Variants in CUX1 observed in about 807,000 individuals in gnomAD.
CUX1 encodes protein CASP.
Under a neutral mutation model 158.8 loss-of-function variants are expected in CUX1, and 31 were observed. The observed-to-expected ratio is 0.20, with a 90% CI of 0.15 to 0.26. The LOEUF (loss-of-function observed/expected upper bound fraction) is 0.26, where lower values mean the gene tolerates loss of function less well. CUX1 is among the 10% of genes least tolerant of loss of function. The pLI is 1.00. For synonymous variants in CUX1, 879 were observed against 862.1 expected (o/e 1.02, Z -0.34); for missense variants, 1,589 against 2,014.6 (o/e 0.79, Z 4.04).
chr7:101,993,422 C>G (rs1815402462), intron 2 of CUX1, among the ~76,000 whole-genome samples: 1 of 152,186 alleles, frequency 6.6e-6, no homozygotes. Context: ...GAAATGGAGT[C>G]AGAGAGAGCT....
At chr7:102,178,120 A>G (rs1462708108) in intron 10 of CUX1, among the ~76,000 whole-genome samples, 8 of 152,128 alleles carry the variant, frequency 5.3e-5, no homozygotes, top group Non-Finnish European at 1.2e-4. Context: ...CAGGCTGGTC[A>G]TGACCTCCTG....
intron 4 of CUX1, among the ~76,000 whole-genome samples, chr7:102,079,331 G>A (rs1220948866): frequency 3.9e-5 from 6 of 151,974 alleles, no homozygotes; most frequent in South Asian, 2.1e-4. Flanking sequence ...TCAGCTACTC[G>A]GGATGCTGAG....
rs879948321 is a variant in CUX1 at position 102,131,678 on chromosome 7, ATT to A, written c.674+16416_674+16417del. Among the ~76,000 whole-genome samples, 172 of 93,386 alleles carry A rather than the reference ATT, an allele frequency of 1.8e-3. 1 individual carries two copies. Among genetic ancestry groups the A allele is most frequent in the African/African-American group, 6.9e-3 (163 of 23,666 alleles). 61.3% of individuals were successfully genotyped at this position (93,386 alleles called of 152,430 possible). A position where few individuals can be genotyped will look rare whatever the true frequency, so the allele number is the denominator to read the frequency against. On this transcript the variant is annotated intron_variant, in intron 8 of 23. Transcript: ENST00000292535. ...TATTTATTTTTTATTTTATTTATTT[ATT>A]TTTTTTTTTTGAGACAGGGTCTTGC...
intron 1 of CUX1, among the ~76,000 whole-genome samples, chr7:101,914,953 G>A (rs530042944): frequency 6.6e-6 from 1 of 152,294 alleles, no homozygotes; most frequent in South Asian, 2.1e-4. Flanking sequence ...GACTTGGTGA[G>A]CTGGGTGGTG....
At chr7:102,073,422 C>G (rs1826373663) in intron 4 of CUX1, among the ~76,000 whole-genome samples, 1 of 152,080 alleles carries the variant, frequency 6.6e-6, no homozygotes, top group Non-Finnish European at 1.5e-5. Flanking sequence ...ATCCGCCTGC[C>G]TCAGCCTCCC....
chr7:102,068,047 G>C (rs1427292478), intron 3 of CUX1, among the ~76,000 whole-genome samples: 4 of 151,712 alleles, frequency 2.6e-5, no homozygotes, highest in Admixed American at 1.3e-4. Context: ...ATATTGTTCT[G>C]AGATTCTACT....
chr7:102,016,023 C>T (rs1015354810), intron 2 of CUX1, among the ~76,000 whole-genome samples: 6 of 151,928 alleles, frequency 3.9e-5, no homozygotes, highest in Admixed American at 3.3e-4. Flanking sequence ...CTCTGTTGCC[C>T]GGGGTGGTCT....
Position 102,282,763 on chromosome 7 carries a change from T to C in CUX1, c.1954T>C (p.Phe652Leu), listed in dbSNP as rs1429106727. 1.1e-5 allele frequency: 18 copies of C among 1,613,164 alleles called. 1 individual carries two copies. In the African/African-American group the frequency reaches 2.4e-4, roughly 22 times the overall value. The change falls in exon 22 of 23, where the codon TTC becomes CTC. Residue 652 changes from phenylalanine (F) to leucine (L), a missense_variant. Phe to Leu is a conservative substitution (Grantham distance 22). Coordinates refer to the CUX1 transcript ENST00000292538. ...GAGCATGGAGAGGGACTGTGCCACC[T>C]TCTGCGCCAAGAAGTGAGGACCCCC...
intron 14 of CUX1, among the ~76,000 whole-genome samples, 185 bp from the exon 15 acceptor site, chr7:102,196,449 C>T (rs1467359118): frequency 6.6e-6 from 1 of 152,204 alleles, no homozygotes; most frequent in African/African-American, 2.4e-5. Flanking sequence ...TTTGGGAAGC[C>T]TCGTTTGGCT....
chr7:102,134,012 C>T (rs1833626147), intron 8 of CUX1, among the ~76,000 whole-genome samples: 1 of 152,156 alleles, frequency 6.6e-6, no homozygotes, highest in African/African-American at 2.4e-5. Flanking sequence ...CAGTAAAGAA[C>T]AGTTGTTCCT....
chr7:101,835,895 A>C (rs1794569942), intron 1 of CUX1, among the ~76,000 whole-genome samples: 1 of 152,106 alleles, frequency 6.6e-6, no homozygotes, highest in Non-Finnish European at 1.5e-5. Context: ...TGCCTGGCTA[A>C]TTTTTGTATT....
At chr7:102,222,042 G>A (rs1797858804) in intron 20 of CUX1, among the ~76,000 whole-genome samples, 1 of 151,994 alleles carries the variant, frequency 6.6e-6, no homozygotes, top group African/African-American at 2.4e-5. Flanking sequence ...GTGGTTCGCT[G>A]GAGCCCAGGA....
In CUX1 at chr7:102,250,434, C is replaced by G. The variant is rs1801376311; in HGVS notation, c.*1392C>G. ...CTCCCAGGGGAAGACACTCCCCAGGCCTGGGCAGGGCTTACACGCGCACTC... is the reference window on the plus strand; with the variant it reads ...CTCCCAGGGGAAGACACTCCCCAGGGCTGGGCAGGGCTTACACGCGCACTC... On this transcript the variant is annotated 3_prime_UTR_variant, in exon 24 of 24. Transcript: ENST00000292535. 2 of 985,386 alleles carry G rather than the reference C, an allele frequency of 2.0e-6. No individual in the cohort carries two copies. Among genetic ancestry groups the G allele is most frequent in the Non-Finnish European group, 2.4e-6 (2 of 829,992 alleles). 61.0% of individuals were successfully genotyped at this position (985,386 alleles called of 1,614,324 possible). A position where few individuals can be genotyped will look rare whatever the true frequency, so the allele number is the denominator to read the frequency against.
Position 102,200,256 on chromosome 7 carries a change from AT to A in CUX1, c.2062+94del, listed in dbSNP as rs11413053. 3.2e-3 allele frequency: 2,898 copies of A among 912,974 alleles called. 7 individuals carry two copies. Among genetic ancestry groups the A allele is most frequent in the East Asian group, 0.02 (713 of 34,980 alleles). 56.6% of individuals were successfully genotyped at this position (912,974 alleles called of 1,614,324 possible). On this transcript the variant is annotated intron_variant, in intron 17 of 23. Transcript: ENST00000292535. ...GTGCTCTGGTCAGCAGTAATTAACTATTTTTTTTTTAAACAATAATGAATGC... is the reference window on the plus strand; with the variant it reads ...GTGCTCTGGTCAGCAGTAATTAACTATTTTTTTTTAAACAATAATGAATGC...
intron 8 of CUX1, among the ~76,000 whole-genome samples, chr7:102,147,798 A>G (rs532771960): frequency 2.4e-4 from 36 of 152,114 alleles, no homozygotes; most frequent in African/African-American, 7.2e-4. Context: ...GGAGTTCGAG[A>G]CCAGCCTGGC....
At chr7:101,977,023 C>T (rs1242224519) in intron 2 of CUX1, among the ~76,000 whole-genome samples, 1 of 146,922 alleles carries the variant, frequency 6.8e-6, no homozygotes, top group Non-Finnish European at 1.5e-5. Flanking sequence ...AGCAGTTCTC[C>T]TGCCTCAGCC....
At chr7:101,952,171 T>G (rs1014581237) in intron 2 of CUX1, among the ~76,000 whole-genome samples, 5 of 151,974 alleles carry the variant, frequency 3.3e-5, no homozygotes, top group Non-Finnish European at 7.4e-5. Flanking sequence ...AAGGATTGTT[T>G]GAGGAGTTCA....
chr7:102,206,368 C>T (rs2046586320), intron 20 of CUX1, among the ~76,000 whole-genome samples: 1 of 152,166 alleles, frequency 6.6e-6, no homozygotes, highest in Admixed American at 6.5e-5. Flanking sequence ...CTGGCTTGGC[C>T]AATTTAATTA....
chr7:102,213,299 A>C (rs554598700), intron 20 of CUX1, among the ~76,000 whole-genome samples: 41 of 152,244 alleles, frequency 2.7e-4, no homozygotes, highest in African/African-American at 9.6e-4. Context: ...ACAAAATGCT[A>C]TTCCATCCTT....
Sources: gnomAD v4.1 joint callset for allele counts (sites outside exome capture counted in the v4.1 genomes callset) on GRCh38, gnomAD v4.1.1 for gene constraint, MANE v1.5 for transcripts, NCBI Gene and HGNC (gene_info 2026-07-23, HGNC 2026-07-21) for gene names.